RNF213: variants seen among roughly 807,000 people sequenced by gnomAD.
RNF213 encodes the protein E3 ubiquitin-protein ligase RNF213.
RNF213 carries 341 observed loss-of-function variants against 514.4 expected under a neutral mutation model. That is an observed-to-expected ratio of 0.66 (90% CI 0.61 to 0.73). The LOEUF (loss-of-function observed/expected upper bound fraction) is 0.73, where lower values mean the gene tolerates loss of function less well. Ranked by LOEUF, RNF213 falls within the 30% of genes least tolerant of loss-of-function variation. The pLI, the probability that RNF213 is intolerant of heterozygous loss-of-function variation, is 0.00. For missense variants in RNF213, 5,767 were observed against 6,615.6 expected (o/e 0.87, Z 4.45); for synonymous variants, 2,655 against 2,658.2 (o/e 1.00, Z 0.04).
rs771832634 is a variant in RNF213 at position 80,348,004 on chromosome 17, G to A, written c.9669G>A (p.Ser3223=). The change falls in exon 29 of 68, where the codon TCG becomes TCA. Residue 3223 remains serine, a synonymous_variant. Transcript: ENST00000582970. The stretch of plus-strand genomic sequence containing the variant: ...CTGACGTCTTCATCGGCTACCACTC[G>A]GACGCCTGCGCGTCTGTGGTGCTGC... ...SPSDVFIGYH[S]DACASVVLQV... is the part of the protein sequence containing the mutation. 41 of 1,614,062 alleles carry A rather than the reference G, an allele frequency of 2.5e-5. 1 individual carries two copies. The South Asian group carries it at 2.9e-4, about 11-fold the overall frequency.
intron 2 of RNF213, among the ~76,000 whole-genome samples, chr17:80,268,165 T>C (rs1375538572): frequency 6.6e-6 from 1 of 151,964 alleles, no homozygotes; most frequent in Non-Finnish European, 1.5e-5. Flanking sequence ...ATTATGTATA[T>C]GTACCACATT....
intron 35 of RNF213, 126 bp from the exon 36 acceptor site, chr17:80,354,315 T>G: frequency 6.5e-7 from 1 of 1,529,524 alleles, no homozygotes; most frequent in African/African-American, 1.4e-5. Flanking sequence ...AGAGCATCTC[T>G]CAGATTTTGC....
rs1282190538 is a variant in RNF213 at position 80,358,346 on chromosome 17, T to C, written c.10921T>C (p.Ser3641Pro). The change falls in exon 37 of 68, where the codon TCA (serine) becomes CCA (proline). Residue 3641 changes from serine (S) to proline (P), a missense_variant. By Grantham distance (74) the Ser-to-Pro change is moderately conservative. Transcript: ENST00000582970. ...CACCCCTCTGCTGGCGAGCATGATA[T>C]CATTCATCGACAGAGACGGCAACCT... The part of the protein sequence containing the change: ...AVTPLLASMI[S>P]FIDRDGNLEL... 5 of 1,614,066 alleles carry C rather than the reference T, an allele frequency of 3.1e-6. No individual in the cohort carries two copies. Among genetic ancestry groups the C allele is most frequent in the Non-Finnish European group, 4.2e-6 (5 of 1,180,042 alleles).
At position 80,309,040 on chromosome 17, in the gene RNF213, C is replaced by T. The variant is rs138518812; in HGVS notation, c.2524C>T (p.Pro842Ser). 2 of 1,614,046 alleles carry T rather than the reference C, an allele frequency of 1.2e-6. No individual in the cohort carries two copies. The highest frequency in any genetic ancestry group is 1.7e-6 in the Non-Finnish European group (2 of 1,180,046). The change falls in exon 14 of 68, where the codon CCA (proline) becomes TCA (serine). Residue 842 changes from proline to serine, a missense_variant. Pro to Ser is a moderately conservative substitution (Grantham distance 74, BLOSUM62 -1). This residue lies in a region of RNF213 where 592 missense variants were observed against 673.9 expected (regional missense o/e 0.88). Coordinates refer to ENST00000582970, the MANE Select transcript of RNF213 (RefSeq NM_001256071.3). ...RDKIPEEALS[P>S]SYLTVCLKLH... ...CAGGATTCCCGAGGAGGCCTTGTCA[C>T]CATCCTACCTGACTGTGTGTCTGAA...
chr17:80,271,239 C>T (rs1451829138), intron 2 of RNF213, among the ~76,000 whole-genome samples: 2 of 152,168 alleles, frequency 1.3e-5, no homozygotes, highest in African/African-American at 4.8e-5. Flanking sequence ...TACTTTCTGG[C>T]TGTGATGTTT....
In RNF213 at chr17:80,362,309, T is replaced by C. The variant is rs188466571; in HGVS notation, c.11355+421T>C. Among the ~76,000 whole-genome samples, 255 of 152,314 alleles carry C rather than the reference T, an allele frequency of 1.7e-3. 3 individuals are homozygous for C. Among genetic ancestry groups the C allele is most frequent in the African/African-American group, 5.7e-3 (236 of 41,564 alleles). On this transcript the variant is annotated intron_variant, in intron 39 of 67. Transcript: ENST00000582970. ...TACATAAAAAAGGAGAGTGACAAATTTAAGAACATCCTTACAGCTAATATG... is the reference window on the plus strand; with the variant it reads ...TACATAAAAAAGGAGAGTGACAAATCTAAGAACATCCTTACAGCTAATATG...
Position 80,376,552 on chromosome 17 carries a change from A to G in RNF213, c.13428+9A>G. ...CCCCAGCCACCATGGCGGTAAGAGT[A>G]GGCCACAATTCCATCGGCCTTCACT... On this transcript the variant is annotated intron_variant, in intron 52 of 67. Coordinates refer to ENST00000582970, the MANE Select transcript of RNF213 (RefSeq NM_001256071.3). 1 of 1,613,990 alleles carries G rather than the reference A, an allele frequency of 6.2e-7. No individual in the cohort carries two copies. The highest frequency in any genetic ancestry group is 8.5e-7 in the Non-Finnish European group (1 of 1,180,024).
At chr17:80,362,307 A>G (rs1233067081) in intron 39 of RNF213, among the ~76,000 whole-genome samples, 1 of 152,256 alleles carries the variant, frequency 6.6e-6, no homozygotes, top group Non-Finnish European at 1.5e-5. Flanking sequence ...AGAGTGACAA[A>G]TTTAAGAACA....
At chr17:80,323,924 C>A (rs370030157) in intron 17 of RNF213, among the ~76,000 whole-genome samples, 7 of 151,906 alleles carry the variant, frequency 4.6e-5, no homozygotes, top group African/African-American at 1.7e-4. Flanking sequence ...GTGCTCCATG[C>A]GTCTTGTATC....
At chr17:80,349,627 C>T (rs1442213339) in intron 29 of RNF213, 143 bp from the exon 30 acceptor site, 14 of 994,894 alleles carry the variant, frequency 1.4e-5, no homozygotes, top group Non-Finnish European at 2.2e-5. Context: ...TGGGAAACTC[C>T]TTTGGGTTTG....
At chr17:80,367,487 T>G (rs910572708) in intron 42 of RNF213, among the ~76,000 whole-genome samples, 2 of 152,208 alleles carry the variant, frequency 1.3e-5, no homozygotes, top group African/African-American at 4.8e-5. Context: ...TTGAAATATC[T>G]TAGTGAGAGC....
intron 36 of RNF213, 31 bp downstream of exon 36, chr17:80,354,607 T>C (rs973092426): frequency 6.2e-7 from 1 of 1,613,552 alleles, no homozygotes; most frequent in African/African-American, 1.3e-5. Flanking sequence ...AAGGAGTGGC[T>C]CCAATCTGGT....
chr17:80,328,330 G>GA lies in RNF213; in HGVS notation c.3376dup (p.Ser1126LysfsTer7). ...TTATTGGTGTTCTTATTTTCCAGGG[G>GA]AAAAAAGTCTTTCACCCCAGGATGA... On this transcript the variant is annotated frameshift_variant, in exon 20 of 68. Transcript: ENST00000582970. LOFTEE classifies it high-confidence loss of function. The GA allele has an allele frequency of 1.3e-6, 2 of 1,534,666 alleles. No homozygotes were observed. The highest frequency in any genetic ancestry group is 1.7e-6 in the Non-Finnish European group (2 of 1,145,486).
chr17:80,271,754 G>A (rs1598886987), intron 2 of RNF213, among the ~76,000 whole-genome samples: 1 of 152,060 alleles, frequency 6.6e-6, no homozygotes, highest in Non-Finnish European at 1.5e-5. Flanking sequence ...CGAGGTGGGC[G>A]GATCACGAGG....
chr17:80,331,389 A>AC (rs1278581946), intron 20 of RNF213, among the ~76,000 whole-genome samples: 1 of 102,802 alleles, frequency 9.7e-6, no homozygotes, highest in Non-Finnish European at 2.0e-5. Flanking sequence ...TCAGTTTATG[A>AC]CTTTTTTTTT....
intron 43 of RNF213, 52 bp downstream of exon 43, chr17:80,367,900 G>GT: frequency 6.2e-7 from 1 of 1,613,884 alleles, no homozygotes; most frequent in Non-Finnish European, 8.5e-7. Context: ...ACCTCTCGTG[G>GT]TTTTCACTTC....
chr17:80,328,963 C>G (rs1278216597), intron 20 of RNF213, among the ~76,000 whole-genome samples: 1 of 152,262 alleles, frequency 6.6e-6, no homozygotes, highest in Admixed American at 6.5e-5. Flanking sequence ...CTGTCAGATG[C>G]TGTTTTCACT....
chr17:80,276,709 G>A (rs971042075), intron 3 of RNF213, among the ~76,000 whole-genome samples: 1 of 152,022 alleles, frequency 6.6e-6, no homozygotes, highest in East Asian at 1.9e-4. Flanking sequence ...AATGTTAAAC[G>A]CTGCAGCCGT....
Position 80,348,072 on chromosome 17 carries a change from T to G in RNF213, c.9737T>G (p.Leu3246Arg). The G allele has an allele frequency of 6.2e-7, 1 of 1,614,150 alleles. No homozygotes were observed. Among genetic ancestry groups the G allele is most frequent in the Non-Finnish European group, 8.5e-7 (1 of 1,180,036 alleles). Residue 3246 changes from leucine to arginine, a missense_variant, in exon 29 of 68, where the codon CTT (leucine) becomes CGT (arginine). Transcript: ENST00000582970. ...RQGPRALTEELHQKVSEEAKS... is the reference protein window; with the variant it reads ...RQGPRALTEERHQKVSEEAKS... ...GGTCCCCGGGCCTTGACGGAGGAAC[T>G]TCACCAGAAGGTGTCTGAGGAGGCC...
Sources: gnomAD v4.1 joint callset for allele counts (sites outside exome capture counted in the v4.1 genomes callset) on GRCh38, gnomAD v4.1.1 for gene constraint, gnomAD v4.1.1 regional missense constraint, MANE v1.5 for transcripts, NCBI Gene and HGNC (gene_info 2026-07-23, HGNC 2026-07-21) for gene names.